The following ANKRD6 variants were observed in gnomAD, a reference collection of about 807,000 sequenced individuals.
The protein encoded by ANKRD6 is ankyrin repeat domain-containing protein 6.
In ANKRD6, 56 loss-of-function variants were observed where a neutral mutation model predicts 82.3. That is an observed-to-expected ratio of 0.68 (90% CI 0.55 to 0.85). The LOEUF (loss-of-function observed/expected upper bound fraction) is 0.85. Among genes scored for constraint, ANKRD6 ranks in the 40% least tolerant of loss-of-function variants. The pLI is 0.00. For missense variants in ANKRD6, 852 were observed against 907.6 expected (o/e 0.94, Z 0.79); for synonymous variants, 347 against 352.1 (o/e 0.99, Z 0.16).
intron 1 of ANKRD6, among the ~76,000 whole-genome samples, chr6:89,542,187 C>T (rs1784519284): frequency 6.6e-6 from 1 of 152,138 alleles, no homozygotes; most frequent in Admixed American, 6.5e-5. Flanking sequence ...TCTTCTGTTT[C>T]TGTATTTCGT....
intron 1 of ANKRD6, among the ~76,000 whole-genome samples, chr6:89,542,553 A>C (rs759517413): frequency 6.6e-6 from 1 of 152,154 alleles, no homozygotes; most frequent in Non-Finnish European, 1.5e-5. Flanking sequence ...TACAAAACCA[A>C]GTCCTTTGAC....
intron 2 of ANKRD6, among the ~76,000 whole-genome samples, chr6:89,593,179 T>C (rs555988560): frequency 6.6e-6 from 1 of 152,316 alleles, no homozygotes; most frequent in African/African-American, 2.4e-5. Context: ...AGCACTTGTG[T>C]CCCACCATGC....
chr6:89,623,939 C>T lies in ANKRD6; in HGVS notation c.1100C>T (p.Ala367Val). The T allele has an allele frequency of 6.2e-7, 1 of 1,613,912 alleles. No individual in the cohort carries two copies. The highest frequency in any genetic ancestry group is 8.5e-7 in the Non-Finnish European group (1 of 1,179,864). ...CCTGGACACCAGAAGAACCTGCATG[C>T]TCATAATCACCCTAAAAAGAGGAAC... ...QQPGHQKNLH[A>V]HNHPKKRNRH... The change falls in exon 12 of 16, where the codon GCT becomes GTT. Residue 367 changes from alanine to valine, a missense_variant. Coordinates refer to ENST00000339746, the MANE Select transcript of ANKRD6 (RefSeq NM_001242809.2).
At chr6:89,602,159 C>T (rs1334735560) in intron 3 of ANKRD6, 1 of 152,344 alleles carries the variant, frequency 6.6e-6, no homozygotes, top group African/African-American at 2.4e-5. Context: ...GCCCACCCAT[C>T]CTCCCTTTCA....
chr6:89,434,991 T>C (rs1167283417), intron 1 of ANKRD6, among the ~76,000 whole-genome samples: 2 of 152,224 alleles, frequency 1.3e-5, no homozygotes, highest in African/African-American at 4.8e-5. Context: ...AAAATGTGAA[T>C]TTATTAACTC....
At chr6:89,529,673 A>G (rs1432803362) in intron 1 of ANKRD6, among the ~76,000 whole-genome samples, 3 of 152,040 alleles carry the variant, frequency 2.0e-5, no homozygotes, top group African/African-American at 7.3e-5. Flanking sequence ...AATCATTTCT[A>G]GCTTTTGATT....
intron 1 of ANKRD6, among the ~76,000 whole-genome samples, chr6:89,497,619 GT>G: frequency 6.6e-6 from 1 of 152,252 alleles, no homozygotes; most frequent in South Asian, 2.1e-4. Flanking sequence ...GTCTTCCTAA[GT>G]GTAGTATTAG....
At chr6:89,527,391 C>T (rs1163547512) in intron 1 of ANKRD6, among the ~76,000 whole-genome samples, 1 of 151,932 alleles carries the variant, frequency 6.6e-6, no homozygotes, top group African/African-American at 2.4e-5. Flanking sequence ...GACAGGAATT[C>T]GAGACCAGCC....
chr6:89,498,371 A>G (rs1778875707), intron 1 of ANKRD6, among the ~76,000 whole-genome samples: 1 of 152,230 alleles, frequency 6.6e-6, no homozygotes, highest in South Asian at 2.1e-4. Flanking sequence ...AAATTAAAAT[A>G]TAAAATTCTT....
At chr6:89,580,585 G>GCT (rs1369197667) in intron 2 of ANKRD6, among the ~76,000 whole-genome samples, 1 of 151,974 alleles carries the variant, frequency 6.6e-6, no homozygotes, top group Non-Finnish European at 1.5e-5. Flanking sequence ...GCACCGAGAG[G>GCT]CTCTCCTGCT....
intron 2 of ANKRD6, among the ~76,000 whole-genome samples, chr6:89,590,374 A>C (rs1055912829): frequency 6.6e-6 from 1 of 152,062 alleles, no homozygotes; most frequent in Non-Finnish European, 1.5e-5. Context: ...CATTAGAGTC[A>C]CCTGGGGAGG....
intron 1 of ANKRD6, among the ~76,000 whole-genome samples, chr6:89,504,605 A>G (rs1314149467): frequency 2.0e-5 from 3 of 152,088 alleles, no homozygotes; most frequent in Non-Finnish European, 4.4e-5. Context: ...TGGCCTTGCT[A>G]TATTGACCAG....
intron 1 of ANKRD6, among the ~76,000 whole-genome samples, chr6:89,531,261 G>C (rs1262968863): frequency 6.6e-6 from 1 of 152,332 alleles, no homozygotes; most frequent in South Asian, 2.1e-4. Flanking sequence ...GTTAGGATGA[G>C]GAAAGGAGGT....
Position 89,623,387 on chromosome 6 carries a change from C to A in ANKRD6, c.898-23C>A, listed in dbSNP as rs78272179. 2,554 of 1,603,732 alleles carry A rather than the reference C, an allele frequency of 1.6e-3. 31 individuals carry two copies. The African/African-American group carries it at 0.027, about 17-fold the overall frequency. On this transcript the variant is annotated intron_variant, in intron 10 of 15. Coordinates refer to ENST00000339746, the MANE Select transcript of ANKRD6 (RefSeq NM_001242809.2). ...GGCCAAGGAAGCAAACACAATGGGT[C>A]TCTGGGCTTTTTCCTTCTGTAGGGC...
In ANKRD6 at chr6:89,621,905, C is replaced by T; in HGVS notation, c.793-17C>T. The T allele has an allele frequency of 6.2e-7, 1 of 1,611,650 alleles. No homozygotes were observed. Among genetic ancestry groups the T allele is most frequent in the Non-Finnish European group, 8.5e-7 (1 of 1,177,870 alleles). On this transcript the variant is annotated splice_polypyrimidine_tract_variant and intron_variant, in intron 9 of 15. Coordinates refer to ENST00000339746, the MANE Select transcript of ANKRD6 (RefSeq NM_001242809.2). ...GCGCACACCAGTGGTTGTAACAATG[C>T]CGTTTGCCTCCTTCAGGTCTTGCGC...
In ANKRD6 at chr6:89,630,609, T is replaced by G; in HGVS notation, c.1789T>G (p.Leu597Val). The change falls in exon 16 of 16, where the codon TTG (leucine) becomes GTG (valine). Residue 597 changes from leucine (L) to valine (V), a missense_variant. Transcript: ENST00000339746. ...RLRNVKVQTA[L>V]LPMNEAARSD... ...GAGAAACGTCAAGGTCCAGACAGCC[T>G]TGCTACCCATGAATGAGGCAGCCAG... 1 of 1,613,922 alleles carries G rather than the reference T, an allele frequency of 6.2e-7. No individual in the cohort carries two copies. The highest frequency in any genetic ancestry group is 8.5e-7 in the Non-Finnish European group (1 of 1,179,822).
At chr6:89,540,894 A>G (rs1267138442) in intron 1 of ANKRD6, among the ~76,000 whole-genome samples, 2 of 152,108 alleles carry the variant, frequency 1.3e-5, no homozygotes, top group African/African-American at 2.4e-5. Context: ...TCTTTCCCCC[A>G]GTATATGTTT....
intron 1 of ANKRD6, among the ~76,000 whole-genome samples, chr6:89,495,870 T>C (rs1778552735): frequency 6.6e-6 from 1 of 152,202 alleles, no homozygotes; most frequent in Non-Finnish European, 1.5e-5. Context: ...ATAGGTATTA[T>C]CTCTGTTTTT....
chr6:89,434,721 G>A (rs1238750972), intron 1 of ANKRD6, among the ~76,000 whole-genome samples: 1 of 152,116 alleles, frequency 6.6e-6, no homozygotes, highest in East Asian at 1.9e-4. Flanking sequence ...CACTGTACTG[G>A]TCTGCAGCCT....
Sources: allele counts gnomAD v4.1 joint callset (sites outside exome capture counted in the v4.1 genomes callset), GRCh38; gene constraint gnomAD v4.1.1; transcripts MANE v1.5; gene names NCBI Gene and HGNC (gene_info 2026-07-23, HGNC 2026-07-21).